Variants in LRP1B observed in about 807,000 individuals in gnomAD.
LRP1B encodes the protein LDL receptor related protein 1B, also known as low-density lipoprotein receptor-related protein 1B.
A neutral mutation model predicts 556.6 loss-of-function variants in LRP1B; 217 were observed. The observed-to-expected ratio is 0.39, with a 90% confidence interval of 0.35 to 0.44. The LOEUF is 0.44. Among genes scored for constraint, LRP1B ranks in the 20% least tolerant of loss-of-function variants. The pLI is 1.00. For synonymous variants in LRP1B, 2,047 were observed against 1,865.8 expected, an observed-to-expected ratio of 1.10 and a Z score of -2.50; for missense variants, 5,053 against 5,620.8, an observed-to-expected ratio of 0.90 and a Z score of 3.23.
rs1362089642 is a variant in LRP1B at position 140,335,749 on chromosome 2, G to C, written c.11982C>G (p.Phe3994Leu). Residue 3994 changes from phenylalanine to leucine, a missense_variant, in exon 78 of 91, where the codon TTC becomes TTG. Physicochemically the swap from Phe to Leu is conservative, Grantham distance 22. This residue lies in a region of LRP1B where 599 missense variants were observed against 648.4 expected (regional missense o/e 0.92). Coordinates refer to ENST00000389484, the MANE Select transcript of LRP1B (RefSeq NM_018557.3). ...YWTDHSRMHW[F>L]SYYTTHWTSL... is the part of the protein sequence containing the mutation. Reference sequence around the variant, plus strand: ...TGGTCCAGTGAGTAGTGTAGTAACTGAACCAATGCATTCTAGAATGATCAG... The same window carrying C: ...TGGTCCAGTGAGTAGTGTAGTAACTCAACCAATGCATTCTAGAATGATCAG... 6.2e-7 allele frequency: 1 copy of C among 1,612,782 alleles called. No individual in the cohort carries two copies. Among genetic ancestry groups the C allele is most frequent in the South Asian group, 1.1e-5 (1 of 91,068 alleles).
At chr2:141,369,196 T>C (rs1267465381) in intron 3 of LRP1B, among the ~76,000 whole-genome samples, 2 of 152,164 alleles carry the variant, frequency 1.3e-5, no homozygotes, top group Non-Finnish European at 2.9e-5. Context: ...ATTTAAAATA[T>C]ATTTAAGATC....
In LRP1B at chr2:140,994,008, A is replaced by C. The variant is rs2105358728; in HGVS notation, c.2631T>G (p.Asp877Glu). 3.1e-6 allele frequency: 5 copies of C among 1,612,466 alleles called. No homozygotes were observed. The highest frequency in any genetic ancestry group is 4.2e-6 in the Non-Finnish European group (5 of 1,178,940). ...DDDCLDGSDE[D>E]SVNCFNHSCP... is the part of the protein sequence containing the mutation. Reference sequence around the variant, plus strand: ...AAGAGAACATACAGCAGTTTACTGAATCCTCATCGCTTCCGTCTAGGCAGT... The same window carrying C: ...AAGAGAACATACAGCAGTTTACTGACTCCTCATCGCTTCCGTCTAGGCAGT... Residue 877 changes from aspartate to glutamate, a missense_variant, in exon 16 of 91, where the codon GAT becomes GAG. By Grantham distance (45) the Asp-to-Glu change is conservative. Around this residue, in one of 5 missense-constraint regions of LRP1B, gnomAD observed 3,619 missense variants for 3,931.9 expected, o/e 0.92. Transcript: ENST00000389484.
intron 42 of LRP1B, among the ~76,000 whole-genome samples, chr2:140,599,507 C>A (rs942829342): frequency 3.9e-5 from 6 of 151,960 alleles, no homozygotes; most frequent in Admixed American, 6.6e-5. Flanking sequence ...AGCATTACAG[C>A]CAACAAAGTT....
At chr2:141,705,472 T>C (rs1344750593) in intron 2 of LRP1B, among the ~76,000 whole-genome samples, 1 of 152,044 alleles carries the variant, frequency 6.6e-6, no homozygotes, top group Non-Finnish European at 1.5e-5. Flanking sequence ...TAGGTCACTC[T>C]ACCTTTAAAT....
chr2:141,757,889 A>ATTAGTCAATTG (rs6146943), intron 2 of LRP1B, among the ~76,000 whole-genome samples: 1 of 151,498 alleles, frequency 6.6e-6, no homozygotes, highest in African/African-American at 2.4e-5. Flanking sequence ...CCCATAGCTT[A>ATTAGTCAATTG]TTAATTCAGC....
intron 41 of LRP1B, among the ~76,000 whole-genome samples, chr2:140,646,937 C>T (rs1390401391): frequency 6.6e-6 from 1 of 151,672 alleles, no homozygotes; most frequent in East Asian, 1.9e-4. Flanking sequence ...TATATATAAA[C>T]ATATAGATTG....
chr2:142,025,441 C>G (rs191004290), intron 1 of LRP1B, among the ~76,000 whole-genome samples: 271 of 152,226 alleles, frequency 1.8e-3, no homozygotes, highest in Non-Finnish European at 3.0e-3. Flanking sequence ...AATAAGGAGA[C>G]TAAGGTATTT....
chr2:141,101,303 A>C lies in LRP1B; in HGVS notation c.1014-39030T>G, dbSNP rs75133301. Among the ~76,000 whole-genome samples the C allele has an allele frequency of 2.6e-5, 4 of 152,132 alleles. No individual in the cohort carries two copies. In the East Asian group the frequency reaches 5.8e-4, roughly 22 times the overall value. The stretch of plus-strand genomic sequence containing the variant: ...TGTCTCCCCACATAATACTTCCTTT[A>C]CAAGGTACTAGTGTAGGAAAAGAAG... On this transcript the variant is annotated intron_variant, in intron 7 of 90. Coordinates refer to ENST00000389484, the MANE Select transcript of LRP1B (RefSeq NM_018557.3).
At chr2:141,916,465 C>T (rs1475922762) in intron 1 of LRP1B, among the ~76,000 whole-genome samples, 3 of 151,644 alleles carry the variant, frequency 2.0e-5, no homozygotes, top group South Asian at 2.1e-4. Flanking sequence ...CCTGGGTTCA[C>T]GCCATCCTCC....
At position 141,033,032 on chromosome 2, in the gene LRP1B, C is replaced by A. The variant is rs190781748; in HGVS notation, c.1790-12930G>T. 4.2e-3 allele frequency among the ~76,000 whole-genome samples: 642 copies of A among 151,902 alleles called. 6 individuals carry two copies. The highest frequency in any genetic ancestry group is 0.015 in the African/African-American group (615 of 41,412). ...GGATGGGGCTGCTGGAGAGACAGTA[C>A]TGAGGAAAACTTCCCAGGGAGGTAA... On this transcript the variant is annotated intron_variant, in intron 11 of 90. Coordinates refer to ENST00000389484, the MANE Select transcript of LRP1B (RefSeq NM_018557.3).
chr2:141,824,347 C>A (rs1457911712), intron 1 of LRP1B, among the ~76,000 whole-genome samples: 1 of 152,138 alleles, frequency 6.6e-6, no homozygotes, highest in Non-Finnish European at 1.5e-5. Context: ...ACACATCTGT[C>A]AAAAAGCCTG....
At chr2:141,401,797 T>C (rs1245046193) in intron 3 of LRP1B, among the ~76,000 whole-genome samples, 2 of 152,178 alleles carry the variant, frequency 1.3e-5, no homozygotes, top group Non-Finnish European at 1.5e-5. Flanking sequence ...GAAAAATACC[T>C]GGCACTACCA....
intron 35 of LRP1B, among the ~76,000 whole-genome samples, chr2:140,740,717 T>C (rs1688107634): frequency 6.6e-6 from 1 of 152,176 alleles, no homozygotes; most frequent in Non-Finnish European, 1.5e-5. Context: ...GATCAAGGTG[T>C]TGGCAGGATT....
chr2:141,189,266 T>G (rs952457067), intron 6 of LRP1B, among the ~76,000 whole-genome samples: 2 of 151,940 alleles, frequency 1.3e-5, no homozygotes, highest in Non-Finnish European at 2.9e-5. Context: ...ATGTGAGGTA[T>G]GCAAAATTAA....
chr2:140,971,198 A>T (rs1696412566), intron 18 of LRP1B, among the ~76,000 whole-genome samples: 1 of 152,214 alleles, frequency 6.6e-6, no homozygotes, highest in East Asian at 1.9e-4. Context: ...GGTGGGCTTT[A>T]AAACACTGGT....
At chr2:140,292,590 A>C (rs544968155) in intron 84 of LRP1B, among the ~76,000 whole-genome samples, 1 of 152,240 alleles carries the variant, frequency 6.6e-6, no homozygotes, top group Non-Finnish European at 1.5e-5. Context: ...TCCTTCAAGA[A>C]ATTTTCTAAA....
intron 3 of LRP1B, among the ~76,000 whole-genome samples, chr2:141,410,119 T>C (rs768077831): frequency 1.3e-5 from 2 of 152,060 alleles, no homozygotes; most frequent in African/African-American, 4.8e-5. Flanking sequence ...AGATGCTTCA[T>C]TGCAGACTTC....
intron 2 of LRP1B, among the ~76,000 whole-genome samples, chr2:141,725,957 T>C (rs1470327462): frequency 6.6e-6 from 1 of 151,926 alleles, no homozygotes; most frequent in Non-Finnish European, 1.5e-5. Context: ...GGTATTTGTA[T>C]GTCAATTGGC....
chr2:140,510,414 C>T (rs562260534), intron 51 of LRP1B, among the ~76,000 whole-genome samples: 16 of 152,240 alleles, frequency 1.1e-4, no homozygotes, highest in African/African-American at 3.1e-4. Context: ...TGAAATAATG[C>T]CATTTTTATT....
Sources: allele counts gnomAD v4.1 joint callset (sites outside exome capture counted in the v4.1 genomes callset), GRCh38; gene constraint gnomAD v4.1.1; regional missense constraint gnomAD v4.1.1; transcripts MANE v1.5; gene names NCBI Gene and HGNC (gene_info 2026-07-23, HGNC 2026-07-21).